SLC7A11: variants seen among roughly 807,000 people sequenced by gnomAD.
The protein encoded by SLC7A11 is cystine/glutamate transporter.
In SLC7A11, 35 loss-of-function variants were observed where a neutral mutation model predicts 54.5. That is an observed-to-expected ratio of 0.64 (90% CI 0.49 to 0.85). The LOEUF (loss-of-function observed/expected upper bound fraction) is 0.85, where lower values mean the gene tolerates loss of function less well. Ranked by LOEUF, SLC7A11 falls within the 40% of genes least tolerant of loss-of-function variation. The pLI is 0.00. For synonymous variants in SLC7A11, 230 were observed against 225.2 expected, an observed-to-expected ratio of 1.02 and a Z score of -0.19; for missense variants, 583 against 618.1, an observed-to-expected ratio of 0.94 and a Z score of 0.60.
intron 6 of SLC7A11, among the ~76,000 whole-genome samples, chr4:138,204,729 AG>A (rs1406124250): frequency 1.4e-5 from 2 of 140,104 alleles, no homozygotes; most frequent in Non-Finnish European, 3.2e-5. Flanking sequence ...TTGGTTAAGA[AG>A]AAAAAAAAAA....
chr4:138,229,756 A>T (rs1190451796), intron 3 of SLC7A11, among the ~76,000 whole-genome samples: 1 of 152,244 alleles, frequency 6.6e-6, no homozygotes, highest in Non-Finnish European at 1.5e-5. Context: ...AGACTTATAA[A>T]AACATAAATA....
chr4:138,223,359 T>C (rs751246495), intron 3 of SLC7A11, 35 bp from the exon 4 acceptor site: 32 of 1,608,752 alleles, frequency 2.0e-5, no homozygotes, highest in Non-Finnish European at 2.7e-5. Flanking sequence ...AAAAGGTGAA[T>C]TCTCACTGGC....
intron 6 of SLC7A11, among the ~76,000 whole-genome samples, chr4:138,204,259 G>A (rs1283815233): frequency 6.6e-6 from 1 of 152,052 alleles, no homozygotes; most frequent in Non-Finnish European, 1.5e-5. Flanking sequence ...ACATGGGCAT[G>A]AGAAATTACT....
chr4:138,177,074 A>G (rs1295352643), intron 11 of SLC7A11: 1 of 152,174 alleles, frequency 6.6e-6, no homozygotes, highest in Non-Finnish European at 1.5e-5. Context: ...ATATTAGTAT[A>G]AGATCTAAAG....
At chr4:138,208,135 T>C (rs1737454077) in intron 6 of SLC7A11, among the ~76,000 whole-genome samples, 1 of 152,092 alleles carries the variant, frequency 6.6e-6, no homozygotes, top group East Asian at 1.9e-4. Context: ...GAGGCATCAA[T>C]TAATATAAAC....
intron 1 of SLC7A11, among the ~76,000 whole-genome samples, chr4:138,237,144 C>T (rs1322515819): frequency 5.3e-5 from 8 of 151,382 alleles, no homozygotes; most frequent in African/African-American, 1.9e-4. Context: ...CGCCACCACG[C>T]CTGGCTAATT....
At chr4:138,194,202 T>G (rs1429851669) in intron 6 of SLC7A11, among the ~76,000 whole-genome samples, 1 of 152,116 alleles carries the variant, frequency 6.6e-6, no homozygotes, top group Admixed American at 6.6e-5. Context: ...TGAAGACTCC[T>G]GGTTGGAACA....
intron 3 of SLC7A11, among the ~76,000 whole-genome samples, chr4:138,231,699 T>A (rs1197127007): frequency 2.0e-5 from 3 of 152,216 alleles, no homozygotes; most frequent in East Asian, 3.8e-4. Flanking sequence ...AATGAATATT[T>A]GTGCCCATTG....
At chr4:138,198,120 A>C (rs111567168) in intron 6 of SLC7A11, among the ~76,000 whole-genome samples, 1,578 of 151,512 alleles carry the variant, frequency 0.01, 40 homozygotes, top group African/African-American at 0.036. Flanking sequence ...TAAGGTAAAG[A>C]GTGGGCTGTA....
chr4:138,180,421 GACAT>G (rs961455578), intron 10 of SLC7A11, among the ~76,000 whole-genome samples: 6 of 152,060 alleles, frequency 3.9e-5, no homozygotes, highest in African/African-American at 1.4e-4. Flanking sequence ...TCAAAAATTT[GACAT>G]ACAAAGTTCA....
rs1371300487 is a variant in SLC7A11, at chr4:138,168,783, C to A, written c.*3173G>T. 6.6e-6 allele frequency: 1 copy of A among 152,142 alleles called. No homozygotes were observed. The highest frequency in any genetic ancestry group is 1.5e-5 in the Non-Finnish European group (1 of 68,008). 9.4% of individuals were successfully genotyped at this position (152,142 alleles called of 1,614,324 possible). On this transcript the variant is annotated 3_prime_UTR_variant, in exon 12 of 12. Coordinates refer to ENST00000280612, the MANE Select transcript of SLC7A11 (RefSeq NM_014331.4). ...CCGAAGTCAGCCATCTTCCCTAGGA[C>A]AAATCTTTACTCTTCTAAAGAAGGA...
chr4:138,193,449 C>T (rs1366327485), intron 6 of SLC7A11, among the ~76,000 whole-genome samples: 1 of 152,122 alleles, frequency 6.6e-6, no homozygotes, highest in Non-Finnish European at 1.5e-5. Flanking sequence ...TCTAGATGCT[C>T]AAAGTCATGT....
At chr4:138,241,020 G>A (rs1738364673) in intron 1 of SLC7A11, among the ~76,000 whole-genome samples, 1 of 152,120 alleles carries the variant, frequency 6.6e-6, no homozygotes, top group Admixed American at 6.5e-5. Flanking sequence ...TTAGTGAACA[G>A]GTGGACAAAT....
intron 2 of SLC7A11, among the ~76,000 whole-genome samples, chr4:138,235,785 G>A (rs1283099571): frequency 6.6e-6 from 1 of 152,158 alleles, no homozygotes; most frequent in Non-Finnish European, 1.5e-5. Context: ...AAGACTTTTG[G>A]AACTGTAGTT....
rs774221887 is a variant in SLC7A11 at position 138,171,925 on chromosome 4, G to A, written c.*31C>T. 6.4e-7 allele frequency: 1 copy of A among 1,570,034 alleles called. No homozygotes were observed. Among genetic ancestry groups the A allele is most frequent in the Non-Finnish European group, 8.6e-7 (1 of 1,165,302 alleles). On this transcript the variant is annotated 3_prime_UTR_variant, in exon 12 of 12. Coordinates refer to ENST00000280612, the MANE Select transcript of SLC7A11 (RefSeq NM_014331.4). ...AATCCCTATTTTGTGTCTCCCCTTGGGCAGATTGCCAAGATCTCAAGTCCA... is the reference window on the plus strand; with the variant it reads ...AATCCCTATTTTGTGTCTCCCCTTGAGCAGATTGCCAAGATCTCAAGTCCA...
intron 10 of SLC7A11, among the ~76,000 whole-genome samples, 185 bp from the exon 11 acceptor site, chr4:138,179,579 G>A (rs568563658): frequency 3.9e-5 from 6 of 152,226 alleles, no homozygotes; most frequent in Non-Finnish European, 7.4e-5. Flanking sequence ...TGTATTAAAC[G>A]TACTCCCTTA....
rs182204692 is a variant in SLC7A11 at position 138,170,455 on chromosome 4, T to C, written c.*1501A>G. 1 of 151,538 alleles carries C rather than the reference T, an allele frequency of 6.6e-6. No homozygotes were observed. Among genetic ancestry groups the C allele is most frequent in the Non-Finnish European group, 1.5e-5 (1 of 67,926 alleles). The allele number at this position is 151,538 out of a possible 1,614,324, so 9.4% of individuals were successfully genotyped here. On this transcript the variant is annotated 3_prime_UTR_variant, in exon 12 of 12. Coordinates refer to ENST00000280612, the MANE Select transcript of SLC7A11 (RefSeq NM_014331.4). ...CCTCAGCCTCCTCAATAGCTGAGAT[T>C]ACCAGCATGTGCCACCATGCCCAGC...
At position 138,179,396 on chromosome 4, in the gene SLC7A11, T is replaced by TGGA; in HGVS notation, c.1267-5_1267-3dup. 1 of 1,610,474 alleles carries TGGA rather than the reference T, an allele frequency of 6.2e-7. No individual in the cohort carries two copies. Among genetic ancestry groups the TGGA allele is most frequent in the Non-Finnish European group, 8.5e-7 (1 of 1,178,290 alleles). On this transcript the variant is annotated splice_region_variant and splice_polypyrimidine_tract_variant and intron_variant, in intron 10 of 11. Transcript: ENST00000280612. ...CAAAGCTGGGATGAACAGTGGCACCTGGAACACAGAACACAAAAAAGTCAC... is the reference window on the plus strand; with the variant it reads ...CAAAGCTGGGATGAACAGTGGCACCTGGAGGAACACAGAACACAAAAAAGTCAC...
intron 6 of SLC7A11, among the ~76,000 whole-genome samples, chr4:138,208,580 G>T (rs1188794633): frequency 2.6e-5 from 4 of 151,980 alleles, no homozygotes; most frequent in Non-Finnish European, 1.5e-5. Flanking sequence ...ACAAGCACTA[G>T]GATTTTTTAA....
Sources: allele counts gnomAD v4.1 joint callset (sites outside exome capture counted in the v4.1 genomes callset), GRCh38; gene constraint gnomAD v4.1.1; transcripts MANE v1.5; gene names NCBI Gene and HGNC (gene_info 2026-07-23, HGNC 2026-07-21).